The following REV1 variants were observed in gnomAD, a reference collection of about 807,000 sequenced individuals.
REV1 encodes the protein REV1 DNA directed polymerase.
In REV1, 42 loss-of-function variants were observed where a neutral mutation model predicts 137.4. The observed-to-expected ratio is 0.31, with a 90% confidence interval of 0.24 to 0.40. The LOEUF is 0.40. REV1 is among the 10% of genes least tolerant of loss of function. REV1 has a pLI of 1.00. For synonymous variants in REV1, 524 were observed against 519.2 expected (o/e 1.01, Z -0.12); for missense variants, 1,282 against 1,490.1 (o/e 0.86, Z 2.30).
At position 99,401,128 on chromosome 2, in the gene REV1, T is replaced by TAAAAG. The variant is rs924941585; in HGVS notation, c.*108_*112dup. The stretch of plus-strand genomic sequence containing the variant: ...AAAGAAATGTACAAAACACTTGCTT[T>TAAAAG]AAAAGAAATTTAAAATTATAAAAAC... On this transcript the variant is annotated 3_prime_UTR_variant, in exon 23 of 23. Coordinates refer to ENST00000258428, the MANE Select transcript of REV1 (RefSeq NM_016316.4). 4.7e-5 allele frequency: 27 copies of TAAAAG among 572,714 alleles called. No homozygotes were observed. Among genetic ancestry groups the TAAAAG allele is most frequent in the Non-Finnish European group, 8.0e-5 (27 of 336,436 alleles). The allele number at this position is 572,714 out of a possible 1,614,324, so 35.5% of individuals were successfully genotyped here.
intron 5 of REV1, 53 bp downstream of exon 5, chr2:99,442,264 A>AAC (rs1681598287): frequency 8.1e-6 from 11 of 1,364,258 alleles, no homozygotes; most frequent in South Asian, 1.5e-5. Context: ...AAAAAAAAAA[A>AAC]AAAAAAAAAA....
chr2:99,428,743 C>A (rs185434622), intron 9 of REV1, among the ~76,000 whole-genome samples: 24 of 152,234 alleles, frequency 1.6e-4, no homozygotes, highest in Non-Finnish European at 3.2e-4. Flanking sequence ...CGCCTGTAAT[C>A]CCAGCACTTT....
intron 6 of REV1, among the ~76,000 whole-genome samples, chr2:99,436,281 A>G (rs1222745409): frequency 1.3e-5 from 2 of 152,204 alleles, no homozygotes; most frequent in Non-Finnish European, 2.9e-5. Context: ...CCTGGATAAA[A>G]TAACAACAAT....
At chr2:99,473,375 A>AAAG (rs1553568315) in intron 1 of REV1, among the ~76,000 whole-genome samples, 4 of 151,506 alleles carry the variant, frequency 2.6e-5, no homozygotes, top group African/African-American at 9.7e-5. Context: ...CAAAAAAAAA[A>AAAG]AAAAGAAAAG....
At position 99,404,667 on chromosome 2, in the gene REV1, G is replaced by T. The variant is rs768772858; in HGVS notation, c.2822C>A (p.Ser941Tyr). Residue 941 changes from serine to tyrosine, a missense_variant, in exon 18 of 23, where the codon TCT (serine) becomes TAT (tyrosine). Around this residue, in one of 7 missense-constraint regions of REV1, gnomAD observed 135 missense variants for 123.3 expected, o/e 1.10. Coordinates refer to ENST00000258428, the MANE Select transcript of REV1 (RefSeq NM_016316.4). ...ATCAGGTGGAAGTGCTTCTAAAACA[G>T]ACTGATCCAGCTATAAAATGCCAAA... Reference protein sequence around the residue: ...EVPSPSQLDQSVLEALPPDLR... With the variant: ...EVPSPSQLDQYVLEALPPDLR... 6.2e-7 allele frequency: 1 copy of T among 1,610,090 alleles called. No homozygotes were observed. The highest frequency in any genetic ancestry group is 8.5e-7 in the Non-Finnish European group (1 of 1,178,554).
chr2:99,429,866 T>C lies in REV1; in HGVS notation c.1521A>G (p.Glu507=). 6.2e-7 allele frequency: 1 copy of C among 1,602,130 alleles called. No individual in the cohort carries two copies. Residue 507 remains glutamate, a synonymous_variant, in exon 9 of 23, where the codon GAA becomes GAG. Coordinates refer to ENST00000258428, the MANE Select transcript of REV1 (RefSeq NM_016316.4). ...TGGCCTCATAACTACAAGATGCAAT[T>C]TCAGCCCTTGACAAAACAGAATCAA... ...NGIDSVLSRA[E]IASCSYEARQ...
At chr2:99,405,776 C>T in intron 17 of REV1, 134 bp downstream of exon 17, 2 of 574,118 alleles carry the variant, frequency 3.5e-6, no homozygotes, top group South Asian at 4.7e-5. Context: ...TCTACCCAAA[C>T]AAGTGGCCCG....
chr2:99,462,403 T>C (rs1017525091), intron 3 of REV1, 93 bp downstream of exon 3: 30 of 1,183,806 alleles, frequency 2.5e-5, no homozygotes, highest in South Asian at 2.5e-4. Context: ...CATTTGTCTA[T>C]AATAAATGAG....
intron 3 of REV1, among the ~76,000 whole-genome samples, chr2:99,451,740 T>C (rs1448329072): frequency 1.3e-5 from 2 of 151,860 alleles, no homozygotes; most frequent in Non-Finnish European, 2.9e-5. Flanking sequence ...TCGAGTAATG[T>C]ATATGACCTC....
chr2:99,486,411 C>T (rs952501805), intron 1 of REV1, among the ~76,000 whole-genome samples: 1 of 152,012 alleles, frequency 6.6e-6, no homozygotes, highest in Admixed American at 6.5e-5. Flanking sequence ...TGCCTGCAGT[C>T]CCAGCTACTC....
rs745403127 is a variant in REV1 at position 99,442,366 on chromosome 2, C to G, written c.454G>C (p.Asp152His). ...ATATTGCTTGGACCTGGCAGAGGAT[C>G]CTCAGGTCTGCATACAGGATTAAAG... ...LSFNPVCRPE[D>H]PLPGPSNIAK... Residue 152 changes from aspartate (D) to histidine (H), a missense_variant, in exon 5 of 23, where the codon GAT becomes CAT. By Grantham distance (81) the Asp-to-His change is moderately conservative. Coordinates refer to ENST00000258428, the MANE Select transcript of REV1 (RefSeq NM_016316.4). The G allele has an allele frequency of 6.2e-7, 1 of 1,612,912 alleles. No homozygotes were observed. Among genetic ancestry groups the G allele is most frequent in the Non-Finnish European group, 8.5e-7 (1 of 1,179,506 alleles).
intron 9 of REV1, among the ~76,000 whole-genome samples, chr2:99,426,111 C>T (rs111598260): frequency 8.6e-5 from 13 of 151,494 alleles, no homozygotes; most frequent in African/African-American, 2.2e-4. Context: ...TTTGGGAGGC[C>T]GAGGTGGATG....
intron 22 of REV1, 110 bp downstream of exon 22, chr2:99,402,134 C>T: frequency 1.7e-6 from 1 of 584,160 alleles, no homozygotes; most frequent in Non-Finnish European, 3.1e-6. Context: ...ATCACTTTCT[C>T]ATTAACCCTA....
chr2:99,429,933 G>A lies in REV1; in HGVS notation c.1454C>T (p.Ser485Leu), dbSNP rs138841507. The change falls in exon 9 of 23, where the codon TCA (serine) becomes TTA (leucine). Residue 485 changes from serine to leucine, a missense_variant. Physicochemically the swap from Ser to Leu is moderately radical, Grantham distance 145 (BLOSUM62 -2). This residue lies in a region of REV1 where 432 missense variants were observed against 438.0 expected (regional missense o/e 0.99). Coordinates refer to ENST00000258428, the MANE Select transcript of REV1 (RefSeq NM_016316.4). ...LKGKAADIPD[S>L]SLWENPDSAQ... ...AGAATCTGGATTCTCCCACAATGAT[G>A]AATCTGGTATATCTGCTTTAAAAAT... 3.0e-4 allele frequency: 475 copies of A among 1,595,760 alleles called. No individual in the cohort carries two copies. In the African/African-American group the frequency reaches 5.9e-3, roughly 20 times the overall value.
chr2:99,427,187 GA>G lies in REV1; in HGVS notation c.1547+2652del, dbSNP rs1376979966. ...AAAGAGCAAGACTTCATCTCTGGGG[GA>G]AAAAAATTGCCATCAAACCACTGTC... On this transcript the variant is annotated intron_variant, in intron 9 of 22. Transcript: ENST00000258428. Among the ~76,000 whole-genome samples the G allele has an allele frequency of 5.9e-5, 9 of 152,034 alleles. No homozygotes were observed. In the South Asian group the frequency reaches 1.0e-3, roughly 18 times the overall value.
intron 12 of REV1, among the ~76,000 whole-genome samples, chr2:99,417,197 T>C (rs1262530976): frequency 6.6e-6 from 1 of 152,098 alleles, no homozygotes; most frequent in Non-Finnish European, 1.5e-5. Context: ...TGGAGTGCAG[T>C]GGTGCGATCT....
chr2:99,439,381 A>C (rs1335856190), intron 5 of REV1, 71 bp from the exon 6 acceptor site: 1 of 1,070,176 alleles, frequency 9.3e-7, no homozygotes, highest in Non-Finnish European at 1.3e-6. Context: ...TCATTTCATC[A>C]TTTTCTTAGT....
At chr2:99,417,442 CCA>C (rs2104546341) in intron 12 of REV1, among the ~76,000 whole-genome samples, 1 of 152,212 alleles carries the variant, frequency 6.6e-6, no homozygotes, top group African/African-American at 2.4e-5. Flanking sequence ...CCATGCCCGG[CCA>C]CAGTGTGACT....
chr2:99,455,523 G>T lies in REV1; in HGVS notation c.182-6019C>A, dbSNP rs532194122. 2.0e-5 allele frequency among the ~76,000 whole-genome samples: 3 copies of T among 152,284 alleles called. No individual in the cohort carries two copies. The East Asian group carries it at 5.8e-4, about 29-fold the overall frequency. On this transcript the variant is annotated intron_variant, in intron 3 of 22. Coordinates refer to ENST00000258428, the MANE Select transcript of REV1 (RefSeq NM_016316.4). ...GAACAAATTTTTGAGTACCAACTAG[G>T]TGCAAATTTCACATCAGGTACTAGC... is the stretch of plus-strand genomic sequence containing the variant.
Sources: allele counts gnomAD v4.1 joint callset (sites outside exome capture counted in the v4.1 genomes callset), GRCh38; gene constraint gnomAD v4.1.1; regional missense constraint gnomAD v4.1.1; transcripts MANE v1.5; gene names NCBI Gene and HGNC (gene_info 2026-07-23, HGNC 2026-07-21).